RASSF2: variants seen among roughly 807,000 people sequenced by gnomAD.
RASSF2 encodes the protein ras association domain-containing protein 2.
A neutral mutation model predicts 46.3 loss-of-function variants in RASSF2; 34 were observed. That is an observed-to-expected ratio of 0.73 (90% CI 0.56 to 0.98). The LOEUF is 0.98. Ranked by LOEUF, RASSF2 falls within the 50% of genes least tolerant of loss-of-function variation. The probability of loss-of-function intolerance (pLI) is 0.00; values close to 1 mark genes in which losing one functional copy is unlikely to be tolerated. For synonymous variants in RASSF2, 158 were observed against 162.5 expected (o/e 0.97, Z 0.21); for missense variants, 364 against 431.2 (o/e 0.84, Z 1.38).
intron 1 of RASSF2, among the ~76,000 whole-genome samples, chr20:4,823,060 TGGGGCTCCGCGCCTACACGGCCCCTGGC>T (rs1335898493): frequency 6.6e-6 from 1 of 152,176 alleles, no homozygotes; most frequent in Non-Finnish European, 1.5e-5. Context: ...GCAGGCCGGC[TGGGGCTCCGCGCCTACACGGCCCCTGGC>T]GGGGGTCCGC....
chr20:4,823,252 C>A (rs1928841469), intron 1 of RASSF2, among the ~76,000 whole-genome samples: 1 of 152,104 alleles, frequency 6.6e-6, no homozygotes, highest in South Asian at 2.1e-4. Flanking sequence ...CTGCACCTTG[C>A]GCCGGGCATC....
chr20:4,792,041 A>G (rs1413974589), intron 6 of RASSF2, among the ~76,000 whole-genome samples: 1 of 152,122 alleles, frequency 6.6e-6, no homozygotes. Context: ...ACTTGAAGCC[A>G]GGAGTTCAAG....
At chr20:4,821,637 C>A (rs1390611553) in intron 2 of RASSF2, among the ~76,000 whole-genome samples, 1 of 152,172 alleles carries the variant, frequency 6.6e-6, no homozygotes, top group Non-Finnish European at 1.5e-5. Flanking sequence ...GAAGGAGGAG[C>A]GGAACTCACC....
chr20:4,790,539 C>T lies in RASSF2; in HGVS notation c.449G>A (p.Arg150His), dbSNP rs145104204. The T allele has an allele frequency of 2.4e-4, 371 of 1,532,512 alleles. No individual in the cohort carries two copies. Among genetic ancestry groups the T allele is most frequent in the Non-Finnish European group, 3.0e-4 (342 of 1,145,746 alleles). 94.9% of individuals were successfully genotyped at this position (1,532,512 alleles called of 1,614,324 possible). ...AGGCGTCCTCACATTGCCACGGCGA[C>T]GCACCCCAACATCACTGCGTGTGCG... Reference protein sequence around the residue: ...LMRTRSDVGVRRRGNVRTPSD... With the variant: ...LMRTRSDVGVHRRGNVRTPSD... The change falls in exon 7 of 12, where the codon CGT becomes CAT. Residue 150 changes from arginine to histidine, a missense_variant. By Grantham distance (29) the Arg-to-His change is conservative (BLOSUM62 0). Transcript: ENST00000379400. This position sits in a 1 kb window ranked among gnomAD's most constrained non-coding sequence, Gnocchi z 4.3.
chr20:4,807,885 T>G (rs1927466306), intron 2 of RASSF2, among the ~76,000 whole-genome samples: 1 of 152,374 alleles, frequency 6.6e-6, no homozygotes, highest in Non-Finnish European at 1.5e-5. Context: ...TCTGGGCATC[T>G]GCACCTTTCT....
chr20:4,815,108 A>G (rs565615168), intron 2 of RASSF2: 16 of 152,398 alleles, frequency 1.0e-4, no homozygotes, highest in African/African-American at 3.8e-4. Flanking sequence ...TCACCTAACA[A>G]GGAACTCACA....
intron 2 of RASSF2, among the ~76,000 whole-genome samples, chr20:4,814,696 C>A (rs1347413949): frequency 6.6e-6 from 1 of 152,174 alleles, no homozygotes; most frequent in Non-Finnish European, 1.5e-5. Flanking sequence ...CACCCTCCAC[C>A]CTCCTTTAAC....
intron 2 of RASSF2, among the ~76,000 whole-genome samples, chr20:4,814,655 G>A (rs1231368784): frequency 6.6e-6 from 1 of 152,138 alleles, no homozygotes; most frequent in Non-Finnish European, 1.5e-5. Flanking sequence ...AGGGTGGTCG[G>A]GGCGGCAGTC....
chr20:4,811,352 A>AG (rs1169189809), intron 2 of RASSF2, among the ~76,000 whole-genome samples: 227 of 136,004 alleles, frequency 1.7e-3, no homozygotes, highest in Non-Finnish European at 3.0e-3. Context: ...CCCCTTCTTT[A>AG]AAAAATCAAA....
intron 5 of RASSF2, among the ~76,000 whole-genome samples, chr20:4,794,719 A>C: frequency 6.6e-6 from 1 of 152,176 alleles, no homozygotes; most frequent in East Asian, 1.9e-4. Context: ...AAACAAAACA[A>C]AACAAAAATA....
At chr20:4,811,354 A>AAATC (rs371941556) in intron 2 of RASSF2, among the ~76,000 whole-genome samples, 227 of 149,368 alleles carry the variant, frequency 1.5e-3, no homozygotes, top group Non-Finnish European at 2.7e-3. Context: ...CCTTCTTTAA[A>AAATC]AAATCAAATC....
intron 3 of RASSF2, among the ~76,000 whole-genome samples, chr20:4,798,450 G>A (rs960679762): frequency 1.3e-5 from 2 of 152,158 alleles, no homozygotes; most frequent in African/African-American, 4.8e-5. Context: ...CACACACAGC[G>A]ATTCTCCTGC....
intron 2 of RASSF2, among the ~76,000 whole-genome samples, chr20:4,818,351 G>T (rs1928460193): frequency 6.6e-6 from 1 of 152,090 alleles, no homozygotes; most frequent in Non-Finnish European, 1.5e-5. Context: ...CCGGTTTGGG[G>T]CAGCGCTTGA....
At chr20:4,809,058 A>G (rs531926126) in intron 2 of RASSF2, among the ~76,000 whole-genome samples, 2 of 152,308 alleles carry the variant, frequency 1.3e-5, no homozygotes, top group African/African-American at 4.8e-5. Flanking sequence ...GGGGCCACCA[A>G]CCAGTCAAGT....
chr20:4,799,550 G>C (rs562526293), intron 3 of RASSF2, among the ~76,000 whole-genome samples: 1 of 152,322 alleles, frequency 6.6e-6, no homozygotes, highest in Non-Finnish European at 1.5e-5. Flanking sequence ...ATCCTGACAA[G>C]TTAAACCTAG....
chr20:4,810,018 A>T (rs1013909028), intron 2 of RASSF2, among the ~76,000 whole-genome samples: 1 of 152,192 alleles, frequency 6.6e-6, no homozygotes, highest in Non-Finnish European at 1.5e-5. Context: ...CATGCAATAG[A>T]TTAAGGGGAC....
At chr20:4,794,994 G>A (rs539319041) in intron 5 of RASSF2, among the ~76,000 whole-genome samples, 2 of 152,324 alleles carry the variant, frequency 1.3e-5, no homozygotes, top group East Asian at 3.9e-4. Flanking sequence ...CAGAAAAAAA[G>A]GTCACTGTGG....
At chr20:4,810,940 A>T (rs1453772833) in intron 2 of RASSF2, among the ~76,000 whole-genome samples, 1 of 152,112 alleles carries the variant, frequency 6.6e-6, no homozygotes, top group Non-Finnish European at 1.5e-5. Flanking sequence ...GACTGAAACC[A>T]AGGATGGGGG....
At chr20:4,810,984 G>A (rs554449657) in intron 2 of RASSF2, among the ~76,000 whole-genome samples, 22 of 152,224 alleles carry the variant, frequency 1.4e-4, no homozygotes, top group African/African-American at 5.1e-4. Flanking sequence ...GACACCCGAC[G>A]TCACAGCGAT....
Sources: gnomAD v4.1 joint callset for allele counts (sites outside exome capture counted in the v4.1 genomes callset) on GRCh38, gnomAD v4.1.1 for gene constraint, Gnocchi (gnomAD v3.1) non-coding constraint, MANE v1.5 for transcripts, NCBI Gene and HGNC (gene_info 2026-07-23, HGNC 2026-07-21) for gene names.